HELQ: variants seen among roughly 807,000 people sequenced by gnomAD.
HELQ encodes helicase, POLQ like.
Under a neutral mutation model 111.6 loss-of-function variants are expected in HELQ, and 77 were observed. The ratio of observed to expected loss-of-function variants is 0.69; its 90% CI spans 0.57 to 0.83. HELQ has a LOEUF of 0.83. Among genes scored for constraint, HELQ ranks in the 40% least tolerant of loss-of-function variants. The pLI, the probability that HELQ is intolerant of heterozygous loss-of-function variation, is 0.00. For synonymous variants in HELQ, 438 were observed against 454.7 expected (o/e 0.96, Z 0.47); for missense variants, 1,200 against 1,288.5 (o/e 0.93, Z 1.05).
At chr4:83,421,789 G>A (rs1432665662) in intron 14 of HELQ, 53 bp from the exon 15 acceptor site, 24 of 1,415,448 alleles carry the variant, frequency 1.7e-5, no homozygotes, top group Non-Finnish European at 2.3e-5. Flanking sequence ...AAAAATGTAT[G>A]TTATTAAAAT....
intron 12 of HELQ, among the ~76,000 whole-genome samples, chr4:83,428,993 G>C (rs1719994525): frequency 6.6e-6 from 1 of 151,960 alleles, no homozygotes; most frequent in African/African-American, 2.4e-5. Context: ...AAGCATGAAG[G>C]AGGGATGCCT....
chr4:83,452,882 A>G (rs1373056580), intron 2 of HELQ, among the ~76,000 whole-genome samples: 2 of 152,252 alleles, frequency 1.3e-5, no homozygotes, highest in African/African-American at 4.8e-5. Context: ...AGCTACCAAT[A>G]TAATTATTGA....
chr4:83,430,045 A>G (rs1033116678), intron 11 of HELQ, among the ~76,000 whole-genome samples: 8 of 151,852 alleles, frequency 5.3e-5, no homozygotes, highest in Admixed American at 2.0e-4. Context: ...GAACTGTGCT[A>G]TTTACTCCCC....
Position 83,421,646 on chromosome 4 carries a change from T to C in HELQ, c.2866A>G (p.Lys956Glu), listed in dbSNP as rs1739690446. The C allele has an allele frequency of 6.2e-7, 1 of 1,613,462 alleles. No homozygotes were observed. The highest frequency in any genetic ancestry group is 1.7e-5 in the Admixed American group (1 of 59,994). ...ATATATCCTCGAGGCATATTAAATT[T>C]TTCAGATACAGTCCAAATGTTGGTC... The part of the protein sequence containing the change: ...KETNIWTVSE[K>E]FNMPRGYIQN... Residue 956 changes from lysine to glutamate, a missense_variant, in exon 15 of 18, where the codon AAA (lysine) becomes GAA (glutamate). By Grantham distance (56) the Lys-to-Glu change is moderately conservative. Transcript: ENST00000295488.
chr4:83,416,247 A>AT, intron 17 of HELQ, among the ~76,000 whole-genome samples: 1 of 147,358 alleles, frequency 6.8e-6, no homozygotes, highest in South Asian at 2.2e-4. Flanking sequence ...CATGCCTGGC[A>AT]TTTTTTTTGG....
intron 16 of HELQ, 23 bp from the exon 17 acceptor site, chr4:83,416,888 G>A: frequency 1.9e-6 from 3 of 1,578,920 alleles, no homozygotes; most frequent in Non-Finnish European, 2.6e-6. Context: ...ACAAAAATCA[G>A]TAGGATAATA....
chr4:83,410,723 A>G (rs530260382), intron 17 of HELQ, among the ~76,000 whole-genome samples: 1 of 152,284 alleles, frequency 6.6e-6, no homozygotes, highest in Admixed American at 6.5e-5. Flanking sequence ...TGATTCACTT[A>G]TAACTAATAG....
Position 83,453,446 on chromosome 4 carries a change from TTAA to T in HELQ, c.794_796del (p.Ile265del). 1 of 1,604,118 alleles carries T rather than the reference TTAA, an allele frequency of 6.2e-7. No individual in the cohort carries two copies. The highest frequency in any genetic ancestry group is 1.1e-5 in the South Asian group (1 of 88,776). ...AGTCATGGCATTTTTTAGATGATCT[TTAA>T]TACTTTTTCTCCTGTTCATATCTGA... On this transcript the variant is annotated inframe_deletion, in exon 2 of 18. Coordinates refer to ENST00000295488, the MANE Select transcript of HELQ (RefSeq NM_133636.5).
chr4:83,414,720 G>A (rs1323097542), intron 17 of HELQ, among the ~76,000 whole-genome samples: 1 of 152,114 alleles, frequency 6.6e-6, no homozygotes, highest in African/African-American at 2.4e-5. Flanking sequence ...TAAAACATCA[G>A]TAAATAAATC....
chr4:83,428,876 T>C (rs1444656482), intron 12 of HELQ, among the ~76,000 whole-genome samples: 1 of 152,146 alleles, frequency 6.6e-6, no homozygotes, highest in Non-Finnish European at 1.5e-5. Context: ...ACTGTACATA[T>C]GTACATATTA....
chr4:83,437,145 C>G, intron 8 of HELQ, 48 bp from the exon 9 acceptor site: 2 of 1,564,292 alleles, frequency 1.3e-6, no homozygotes, highest in African/African-American at 1.4e-5. Context: ...CTTTTAGTGA[C>G]AAAATTTCTA....
chr4:83,428,999 T>C (rs1719994779), intron 12 of HELQ, among the ~76,000 whole-genome samples: 1 of 152,070 alleles, frequency 6.6e-6, no homozygotes, highest in South Asian at 2.1e-4. Context: ...GAAGGAGGGA[T>C]GCCTACCTTA....
chr4:83,443,700 G>C (rs1020982049), intron 5 of HELQ, 86 bp from the exon 6 acceptor site: 25 of 546,388 alleles, frequency 4.6e-5, no homozygotes, highest in Non-Finnish European at 7.7e-5. Flanking sequence ...AGTCTTTTGT[G>C]CTCTGAATTC....
In HELQ at chr4:83,418,040, G is replaced by C. The variant is rs576048568; in HGVS notation, c.3063+53C>G. ...AGACTTCAGAAAATAATAAAACCTG[G>C]CTTCTGTATTAATTCAACATAATTT... is the stretch of plus-strand genomic sequence containing the variant. On this transcript the variant is annotated intron_variant, in intron 16 of 17. Coordinates refer to ENST00000295488, the MANE Select transcript of HELQ (RefSeq NM_133636.5). The C allele has an allele frequency of 1.5e-5, 14 of 925,284 alleles. No individual in the cohort carries two copies. The African/African-American group carries it at 2.2e-4, about 14-fold the overall frequency. 57.3% of individuals were successfully genotyped at this position (925,284 alleles called of 1,614,324 possible).
chr4:83,421,773 C>A, intron 14 of HELQ, 37 bp from the exon 15 acceptor site: 1 of 1,528,906 alleles, frequency 6.5e-7, no homozygotes, highest in African/African-American at 1.4e-5. Flanking sequence ...GTTTACTAGA[C>A]CTGCTAAAAA....
intron 6 of HELQ, among the ~76,000 whole-genome samples, chr4:83,442,260 ATTTT>A (rs70949710): frequency 2.1e-4 from 17 of 82,064 alleles, no homozygotes; most frequent in African/African-American, 6.6e-4. Context: ...AAAAACATCA[ATTTT>A]TTTTTTTTTT....
At chr4:83,419,437 T>G in intron 15 of HELQ, among the ~76,000 whole-genome samples, 1 of 148,626 alleles carries the variant, frequency 6.7e-6, no homozygotes, top group Non-Finnish European at 1.5e-5. Context: ...TGAAAAATTA[T>G]ATACATGTAA....
rs1166059135 is a variant in HELQ, at chr4:83,455,775, G to A, written c.-82C>T. ...CATATGGAAGGGAGAGTGGGACGCC[G>A]GAGCCCGCTTCTACATCCACCTTGG... is the stretch of plus-strand genomic sequence containing the variant. On this transcript the variant is annotated 5_prime_UTR_variant, in exon 1 of 18. Coordinates refer to ENST00000295488, the MANE Select transcript of HELQ (RefSeq NM_133636.5). 11 of 1,359,548 alleles carry A rather than the reference G, an allele frequency of 8.1e-6. No individual in the cohort carries two copies. The highest frequency in any genetic ancestry group is 2.6e-4 in the Middle Eastern group (1 of 3,898). The allele number at this position is 1,359,548 out of a possible 1,614,324, so 84.2% of individuals were successfully genotyped here. A position where few individuals can be genotyped will look rare whatever the true frequency, so the allele number is the denominator to read the frequency against.
rs777853352 is a variant in HELQ, at chr4:83,421,677, G to C, written c.2835C>G (p.Leu945=). The C allele has an allele frequency of 1.4e-5, 23 of 1,613,404 alleles. 1 individual carries two copies. In the South Asian group the frequency reaches 1.6e-4, roughly 12 times the overall value. ...LYLSFVLYTL[L]KETNIWTVSE... ...ATACAGTCCAAATGTTGGTCTCTTT[G>C]AGCAAGGTATAAAGAACAAAAGACA... The change falls in exon 15 of 18, where the codon CTC becomes CTG. Residue 945 remains leucine, a synonymous_variant. Transcript: ENST00000295488.
Sources: gnomAD v4.1 joint callset for allele counts (sites outside exome capture counted in the v4.1 genomes callset) on GRCh38, gnomAD v4.1.1 for gene constraint, MANE v1.5 for transcripts, NCBI Gene and HGNC (gene_info 2026-07-23, HGNC 2026-07-21) for gene names.